SLC49A4: variants seen among roughly 807,000 people sequenced by gnomAD.
SLC49A4 encodes the protein solute carrier family 49 member 4.
A neutral mutation model predicts 50.6 loss-of-function variants in SLC49A4; 36 were observed. The observed-to-expected ratio is 0.71, with a 90% CI of 0.55 to 0.94. The LOEUF is 0.94. SLC49A4 is among the 40% of genes least tolerant of loss of function. The probability of loss-of-function intolerance (pLI) is 0.00; values close to 1 mark genes in which losing one functional copy is unlikely to be tolerated. For synonymous variants in SLC49A4, 248 were observed against 241.2 expected, an observed-to-expected ratio of 1.03 and a Z score of -0.26; for missense variants, 503 against 605.7, an observed-to-expected ratio of 0.83 and a Z score of 1.78.
intron 7 of SLC49A4, among the ~76,000 whole-genome samples, chr3:122,869,372 A>G (rs1218272571): frequency 6.6e-6 from 1 of 152,140 alleles, no homozygotes; most frequent in Admixed American, 6.5e-5. Context: ...TCACTTATGT[A>G]TCTTAGTTAT....
At chr3:122,859,665 G>A (rs541418671) in intron 6 of SLC49A4, among the ~76,000 whole-genome samples, 1 of 152,114 alleles carries the variant, frequency 6.6e-6, no homozygotes, top group East Asian at 1.9e-4. Context: ...GGGCAACATA[G>A]AGAAACCCTG....
intron 7 of SLC49A4, 59 bp downstream of exon 7, chr3:122,860,261 A>G: frequency 1.4e-6 from 2 of 1,429,052 alleles, no homozygotes; most frequent in Non-Finnish European, 1.9e-6. Flanking sequence ...AAGTGTACAT[A>G]ACTCTGACAG....
intron 7 of SLC49A4, among the ~76,000 whole-genome samples, chr3:122,869,552 T>C (rs1179208702): frequency 6.6e-6 from 1 of 152,230 alleles, no homozygotes; most frequent in African/African-American, 2.4e-5. Context: ...TGTATACCTA[T>C]ACCTGCATAG....
At chr3:122,862,017 A>C (rs1355900436) in intron 7 of SLC49A4, among the ~76,000 whole-genome samples, 2 of 152,246 alleles carry the variant, frequency 1.3e-5, no homozygotes, top group Non-Finnish European at 2.9e-5. Flanking sequence ...GTACCACACA[A>C]AAATTAGTGT....
chr3:122,855,053 A>G (rs1936968385), intron 5 of SLC49A4, among the ~76,000 whole-genome samples: 1 of 152,028 alleles, frequency 6.6e-6, no homozygotes, highest in Admixed American at 6.6e-5. Context: ...AGATCGTGCC[A>G]CTGCACTCCA....
At chr3:122,858,377 A>G (rs1480281210) in intron 6 of SLC49A4, among the ~76,000 whole-genome samples, 5 of 152,206 alleles carry the variant, frequency 3.3e-5, no homozygotes, top group Admixed American at 6.5e-5. Context: ...TATGCAGCAT[A>G]CCAAAATGTA....
chr3:122,821,357 G>A (rs1405279209), intron 2 of SLC49A4, among the ~76,000 whole-genome samples: 2 of 152,150 alleles, frequency 1.3e-5, no homozygotes, highest in African/African-American at 4.8e-5. Context: ...AAGGGAAAAG[G>A]AGAAAGACTT....
chr3:122,801,741 T>C (rs1936136855), intron 1 of SLC49A4, among the ~76,000 whole-genome samples: 1 of 152,166 alleles, frequency 6.6e-6, no homozygotes, highest in African/African-American at 2.4e-5. Flanking sequence ...GAGACCAGCA[T>C]ACTGAAAGGA....
chr3:122,826,608 T>C (rs1936531925), intron 2 of SLC49A4, among the ~76,000 whole-genome samples, 192 bp from the exon 3 acceptor site: 1 of 152,190 alleles, frequency 6.6e-6, no homozygotes, highest in Admixed American at 6.5e-5. Flanking sequence ...ATTACTATGT[T>C]TGATCCTCCC....
At chr3:122,851,154 A>G (rs1202597568) in intron 5 of SLC49A4, among the ~76,000 whole-genome samples, 1 of 152,186 alleles carries the variant, frequency 6.6e-6, no homozygotes, top group African/African-American at 2.4e-5. Context: ...TTTTAACTGC[A>G]CAAGACATTA....
At chr3:122,831,818 G>A (rs763548703) in intron 3 of SLC49A4, among the ~76,000 whole-genome samples, 4 of 152,000 alleles carry the variant, frequency 2.6e-5, no homozygotes. Flanking sequence ...TATGAATAAG[G>A]CAATCATGCA....
chr3:122,834,463 T>G (rs1333520351), intron 4 of SLC49A4, among the ~76,000 whole-genome samples: 2 of 152,148 alleles, frequency 1.3e-5, no homozygotes, highest in Non-Finnish European at 2.9e-5. Context: ...TCCTGAATGA[T>G]TTTTGGGTTA....
intron 7 of SLC49A4, among the ~76,000 whole-genome samples, chr3:122,869,996 T>C (rs2107583251): frequency 2.9e-5 from 1 of 34,866 alleles, no homozygotes; most frequent in African/African-American, 5.1e-5. Flanking sequence ...ATAGTTCCCT[T>C]TCAGTGTGTT....
At chr3:122,870,356 TA>T (rs934948541) in intron 7 of SLC49A4, among the ~76,000 whole-genome samples, 25 of 150,268 alleles carry the variant, frequency 1.7e-4, no homozygotes, top group Non-Finnish European at 2.4e-4. Flanking sequence ...AATTTTTATT[TA>T]AAAAAAAACT....
At chr3:122,869,660 C>G (rs1404446099) in intron 7 of SLC49A4, among the ~76,000 whole-genome samples, 1 of 152,198 alleles carries the variant, frequency 6.6e-6, no homozygotes, top group Non-Finnish European at 1.5e-5. Flanking sequence ...AGAAGATGAG[C>G]TATTTACAGT....
In SLC49A4 at chr3:122,860,165, C is replaced by T; in HGVS notation, c.1101C>T (p.Thr367=). The T allele has an allele frequency of 1.2e-6, 2 of 1,612,254 alleles. No individual in the cohort carries two copies. Among genetic ancestry groups the T allele is most frequent in the Non-Finnish European group, 8.5e-7 (1 of 1,179,134 alleles). Residue 367 remains threonine (T), a synonymous_variant, in exon 7 of 9, where the codon ACC becomes ACT. Coordinates refer to ENST00000261038, the MANE Select transcript of SLC49A4 (RefSeq NM_032839.3). ...ATLSSTWFTL[T]CLNSITHLPL... The stretch of plus-strand genomic sequence containing the variant: ...TGTCATCCACGTGGTTCACCCTGAC[C>T]TGTTTGAACAGCATCACACACCTAC...
chr3:122,822,824 C>G (rs1427907840), intron 2 of SLC49A4, among the ~76,000 whole-genome samples: 1 of 152,206 alleles, frequency 6.6e-6, no homozygotes, highest in Non-Finnish European at 1.5e-5. Flanking sequence ...TTTCTCAGCT[C>G]AGACTGCTTT....
chr3:122,856,325 G>A lies in SLC49A4; in HGVS notation c.961G>A (p.Gly321Arg). ...HVSQVDAGWI[G>R]FWSIVGGCVV... ...TTAACAGGTAGATGCTGGCTGGATT[G>A]GATTTTGGTCCATAGTTGGAGGCTG... is the stretch of plus-strand genomic sequence containing the variant. Residue 321 changes from glycine to arginine, a missense_variant, in exon 6 of 9, where the codon GGA becomes AGA. Gly to Arg is a moderately radical substitution (Grantham distance 125). Coordinates refer to ENST00000261038, the MANE Select transcript of SLC49A4 (RefSeq NM_032839.3). The A allele has an allele frequency of 6.2e-7, 1 of 1,613,878 alleles. No homozygotes were observed. The highest frequency in any genetic ancestry group is 8.5e-7 in the Non-Finnish European group (1 of 1,179,930).
Position 122,842,690 on chromosome 3 carries a change from C to T in SLC49A4, c.834-3073C>T, listed in dbSNP as rs563353265. 2.2e-4 allele frequency among the ~76,000 whole-genome samples: 34 copies of T among 152,066 alleles called. No homozygotes were observed. In the South Asian group the frequency reaches 6.4e-3, roughly 29 times the overall value. On this transcript the variant is annotated intron_variant, in intron 4 of 8. Transcript: ENST00000261038. ...GAAAAACAGTTAACTTAAAATTGTC[C>T]CCCCAACCCCTTTGACTTGTGTTTA...
Sources: gnomAD v4.1 joint callset for allele counts (sites outside exome capture counted in the v4.1 genomes callset) on GRCh38, gnomAD v4.1.1 for gene constraint, MANE v1.5 for transcripts, NCBI Gene and HGNC (gene_info 2026-07-23, HGNC 2026-07-21) for gene names.